COL1A2: variants seen among roughly 807,000 people sequenced by gnomAD.
The protein encoded by COL1A2 is collagen alpha-2(I) chain.
Under a neutral mutation model 174.3 loss-of-function variants are expected in COL1A2, and 49 were observed. The observed-to-expected ratio is 0.28, with a 90% confidence interval of 0.22 to 0.36. COL1A2 has a LOEUF of 0.36. Ranked by LOEUF, COL1A2 falls within the 10% of genes least tolerant of loss-of-function variation. COL1A2 has a pLI of 1.00. For synonymous variants in COL1A2, 655 were observed against 606.6 expected, an observed-to-expected ratio of 1.08 and a Z score of -1.17; for missense variants, 1,438 against 1,822.7, an observed-to-expected ratio of 0.79 and a Z score of 3.84.
rs1792171635 is a variant in COL1A2 at position 94,421,907 on chromosome 7, T to C, written c.2358T>C (p.Thr786=). 1.2e-6 allele frequency: 2 copies of C among 1,614,186 alleles called. No homozygotes were observed. The highest frequency in any genetic ancestry group is 3.3e-5 in the Admixed American group (2 of 60,032). The change falls in exon 39 of 52, where the codon ACT becomes ACC. Residue 786 remains threonine, a synonymous_variant. Transcript: ENST00000297268. ...ATGTGCTTGGCTCTTAGGGTATGAC[T>C]GGTTTCCCTGGTGCTGCTGGACGGA... The part of the protein sequence containing the change: ...SRGDGGPPGM[T]GFPGAAGRTG...
intron 33 of COL1A2, 40 bp from the exon 34 acceptor site, chr7:94,419,457 CG>C: frequency 6.3e-7 from 1 of 1,599,704 alleles, no homozygotes; most frequent in East Asian, 2.3e-5. Flanking sequence ...TTTGATGATA[CG>C]GGGTGTTATT....
chr7:94,428,981 C>A (rs550220825), intron 50 of COL1A2, among the ~76,000 whole-genome samples: 1 of 152,318 alleles, frequency 6.6e-6, no homozygotes, highest in Non-Finnish European at 1.5e-5. Flanking sequence ...GACCTTGCCT[C>A]AGTCTAGTAG....
chr7:94,407,603 A>G (rs2115885941), intron 12 of COL1A2, among the ~76,000 whole-genome samples: 1 of 152,296 alleles, frequency 6.6e-6, no homozygotes, highest in Non-Finnish European at 1.5e-5. Context: ...GAAATTGGGG[A>G]GGAGGTACAC....
rs1368576178 is a variant in COL1A2, at chr7:94,429,264, A to G, written c.3788A>G (p.Tyr1263Cys). 4 of 1,613,902 alleles carry G rather than the reference A, an allele frequency of 2.5e-6. No homozygotes were observed. Among genetic ancestry groups the G allele is most frequent in the East Asian group, 4.5e-5 (2 of 44,876 alleles). ...GCCTTCATGCGCCTGCTGGCCAACT[A>G]TGCCTCTCAGAACATCACCTACCAC... is the stretch of plus-strand genomic sequence containing the variant. ...QLAFMRLLAN[Y>C]ASQNITYHCK... Residue 1263 changes from tyrosine (Y) to cysteine (C), a missense_variant, in exon 51 of 52, where the codon TAT (tyrosine) becomes TGT (cysteine). Around this residue, in one of 3 missense-constraint regions of COL1A2, gnomAD observed 290 missense variants for 298.1 expected, o/e 0.97. Transcript: ENST00000297268.
intron 15 of COL1A2, 107 bp from the exon 16 acceptor site, chr7:94,408,663 T>C (rs2115889758): frequency 3.3e-6 from 4 of 1,229,468 alleles, no homozygotes; most frequent in East Asian, 2.4e-5. Context: ...TCTTTACTAA[T>C]ATAAACAGTG....
chr7:94,395,265 A>G (rs778862580), intron 1 of COL1A2, 164 bp downstream of exon 1: 2 of 761,880 alleles, frequency 2.6e-6, no homozygotes, highest in East Asian at 2.5e-5. Context: ...CATGGAAATT[A>G]CTTTAAAAAA....
In COL1A2 at chr7:94,420,371, A is replaced by G. The variant is rs1227626175; in HGVS notation, c.2134-20A>G. The G allele has an allele frequency of 1.9e-6, 3 of 1,613,974 alleles. No individual in the cohort carries two copies. The highest frequency in any genetic ancestry group is 2.5e-6 in the Non-Finnish European group (3 of 1,180,026). ...AACCTAGGATTGATAACACATTTTTAAATCCCTTCTCCCACCTAGGGTGAA... is the reference window on the plus strand; with the variant it reads ...AACCTAGGATTGATAACACATTTTTGAATCCCTTCTCCCACCTAGGGTGAA... On this transcript the variant is annotated intron_variant, in intron 35 of 51. Transcript: ENST00000297268.
At chr7:94,423,915 A>G (rs1435208605) in intron 40 of COL1A2, 2 of 229,134 alleles carry the variant, frequency 8.7e-6, no homozygotes, top group Admixed American at 1.0e-4. Context: ...TCCTTTGTGT[A>G]TATACCCAGC....
intron 23 of COL1A2, 35 bp from the exon 24 acceptor site, chr7:94,412,033 G>C (rs1176386947): frequency 1.3e-6 from 2 of 1,567,692 alleles, no homozygotes; most frequent in African/African-American, 1.4e-5. Context: ...GTAAGTTAAA[G>C]TGCCAATATA....
rs200306037 is a variant in COL1A2 at position 94,400,173 on chromosome 7, C to T, written c.133-23C>T. The T allele has an allele frequency of 5.6e-6, 9 of 1,611,544 alleles. No homozygotes were observed. In the East Asian group the frequency reaches 1.6e-4, roughly 28 times the overall value. On this transcript the variant is annotated intron_variant, in intron 4 of 51. Coordinates refer to ENST00000297268, the MANE Select transcript of COL1A2 (RefSeq NM_000089.4). ...TTCTACAGGGCCTGTCTAACCTGAC[C>T]TTACTCACTTTTTACATAACAGGGT...
intron 12 of COL1A2, among the ~76,000 whole-genome samples, chr7:94,406,683 A>C (rs1212492935): frequency 6.6e-6 from 1 of 152,162 alleles, no homozygotes; most frequent in Non-Finnish European, 1.5e-5. Context: ...CCACACACTA[A>C]TTAGATAGGT....
At chr7:94,405,490 A>C (rs1449772878) in intron 10 of COL1A2, among the ~76,000 whole-genome samples, 183 bp from the exon 11 acceptor site, 2 of 152,230 alleles carry the variant, frequency 1.3e-5, no homozygotes, top group African/African-American at 2.4e-5. Context: ...TGTTTTCTAC[A>C]AATACCGTAT....
rs41316920 is a variant in COL1A2 at position 94,408,705 on chromosome 7, C to T, written c.739-65C>T. ...CACTGTAAGCAACTTCAATCTTCTGCCATTGTTATTGTTTTCTTAATTTAC... is the reference window on the plus strand; with the variant it reads ...CACTGTAAGCAACTTCAATCTTCTGTCATTGTTATTGTTTTCTTAATTTAC... On this transcript the variant is annotated intron_variant, in intron 15 of 51. Coordinates refer to ENST00000297268, the MANE Select transcript of COL1A2 (RefSeq NM_000089.4). 186 of 1,542,700 alleles carry T rather than the reference C, an allele frequency of 1.2e-4. No individual in the cohort carries two copies. The African/African-American group carries it at 2.3e-3, about 19-fold the overall frequency.
At chr7:94,401,545 T>C in intron 5 of COL1A2, 22 bp from the exon 6 acceptor site, 1 of 567,654 alleles carries the variant, frequency 1.8e-6, no homozygotes, top group Non-Finnish European at 2.3e-6. Context: ...ATATATATAA[T>C]TTTTTTTTTT....
At chr7:94,414,508 A>G (rs977526409) in intron 29 of COL1A2, among the ~76,000 whole-genome samples, 1 of 152,254 alleles carries the variant, frequency 6.6e-6, no homozygotes, top group Admixed American at 6.5e-5. Context: ...AGTAAAATCT[A>G]TCAATGAATA....
chr7:94,399,716 G>T (rs1791649354), intron 4 of COL1A2, among the ~76,000 whole-genome samples: 1 of 152,134 alleles, frequency 6.6e-6, no homozygotes, highest in Non-Finnish European at 1.5e-5. Flanking sequence ...AACAATACAA[G>T]TAGTTAATGA....
At position 94,405,688 on chromosome 7, in the gene COL1A2, C is replaced by G; in HGVS notation, c.502C>G (p.Pro168Ala). 1.2e-6 allele frequency: 2 copies of G among 1,613,428 alleles called. No homozygotes were observed. The highest frequency in any genetic ancestry group is 1.7e-6 in the Non-Finnish European group (2 of 1,179,442). Residue 168 changes from proline to alanine, a missense_variant, in exon 11 of 52, where the codon CCT (proline) becomes GCT (alanine). Coordinates refer to ENST00000297268, the MANE Select transcript of COL1A2 (RefSeq NM_000089.4). ...VVGPQGARGF[P>A]GTPGLPGFKG... ...TCTTTCTAAGGGTGCTCGTGGTTTC[C>G]CTGGAACTCCTGGACTTCCTGGCTT...
intron 28 of COL1A2, 61 bp downstream of exon 28, chr7:94,414,008 C>A: frequency 6.9e-7 from 1 of 1,450,486 alleles, no homozygotes; most frequent in Non-Finnish European, 9.7e-7. Context: ...TGTAAATCAC[C>A]ATACCGTACC....
chr7:94,420,191 A>G, intron 34 of COL1A2, 42 bp from the exon 35 acceptor site: 4 of 1,612,018 alleles, frequency 2.5e-6, no homozygotes, highest in Non-Finnish European at 3.4e-6. Context: ...TTGAGCATCT[A>G]TGTCAGGCAC....
Sources: gnomAD v4.1 joint callset for allele counts (sites outside exome capture counted in the v4.1 genomes callset) on GRCh38, gnomAD v4.1.1 for gene constraint, gnomAD v4.1.1 regional missense constraint, MANE v1.5 for transcripts, NCBI Gene and HGNC (gene_info 2026-07-23, HGNC 2026-07-21) for gene names.